TRIM14: variants seen among roughly 807,000 people sequenced by gnomAD.
The protein encoded by TRIM14 is tripartite motif-containing protein 14.
In TRIM14, 28 loss-of-function variants were observed where a neutral mutation model predicts 44.5. The observed-to-expected ratio is 0.63, with a 90% CI of 0.47 to 0.86. TRIM14 has a LOEUF of 0.86. Ranked by LOEUF, TRIM14 falls within the 40% of genes least tolerant of loss-of-function variation. The probability of loss-of-function intolerance (pLI) is 0.00; values close to 1 mark genes in which losing one functional copy is unlikely to be tolerated. For synonymous variants in TRIM14, 299 were observed against 269.2 expected (o/e 1.11, Z -1.08); for missense variants, 607 against 611.1 (o/e 0.99, Z 0.07).
At chr9:98,114,864 T>C (rs1826990425) in intron 1 of TRIM14, among the ~76,000 whole-genome samples, 2 of 152,190 alleles carry the variant, frequency 1.3e-5, no homozygotes, top group Non-Finnish European at 2.9e-5. Context: ...ATTATTTACA[T>C]GGGACTAAAC....
At chr9:98,072,912 G>A (rs1002677602) in intron 6 of TRIM14, among the ~76,000 whole-genome samples, 1 of 152,176 alleles carries the variant, frequency 6.6e-6, no homozygotes, top group Non-Finnish European at 1.5e-5. Flanking sequence ...CGTTCTCTGT[G>A]TGCTGAGGAA....
intron 6 of TRIM14, among the ~76,000 whole-genome samples, chr9:98,079,064 T>G (rs1405059532): frequency 2.0e-5 from 3 of 152,154 alleles, no homozygotes; most frequent in Non-Finnish European, 2.9e-5. Flanking sequence ...CTAGTTATAG[T>G]GACAGCCTTG....
intron 2 of TRIM14, among the ~76,000 whole-genome samples, chr9:98,103,131 G>A (rs1420385726): frequency 2.0e-5 from 3 of 152,080 alleles, no homozygotes; most frequent in Non-Finnish European, 2.9e-5. Flanking sequence ...GTTGCAGTGA[G>A]CCGAGATCAT....
chr9:98,054,410 T>C, the TRIM14 span, among the ~76,000 whole-genome samples: 1 of 152,164 alleles, frequency 6.6e-6, no homozygotes, highest in African/African-American at 2.4e-5. Context: ...CTCTTCCTAC[T>C]AATTAGGGAG....
the TRIM14 span, among the ~76,000 whole-genome samples, chr9:98,047,739 G>A: frequency 2.6e-5 from 4 of 151,978 alleles, no homozygotes; most frequent in Non-Finnish European, 4.4e-5. Flanking sequence ...TTGCATGTTC[G>A]GATCAGAGAA....
chr9:98,087,850 A>G lies in TRIM14; in HGVS notation c.949T>C (p.Phe317Leu). 6.4e-7 allele frequency: 1 copy of G among 1,552,552 alleles called. No homozygotes were observed. Among genetic ancestry groups the G allele is most frequent in the South Asian group, 1.2e-5 (1 of 85,314 alleles). Residue 317 changes from phenylalanine to leucine, a missense_variant, in exon 6 of 6, where the codon TTC becomes CTC. Transcript: ENST00000341469. ...ALWQVLARDC[F>L]ATGRHYWEVD... The stretch of plus-strand genomic sequence containing the variant: ...TCCCAGTAGTGGCGGCCGGTGGCGA[A>G]GCAGTCACGAGCCAGCACTTGCCAG...
the TRIM14 span, among the ~76,000 whole-genome samples, chr9:98,056,368 C>T: frequency 6.6e-6 from 1 of 152,236 alleles, no homozygotes. Context: ...GATTCTAACT[C>T]TAGCAACCCT....
rs1330632971 is a variant in TRIM14, at chr9:98,085,515, GGAA to G, written c.*1952_*1954del. On this transcript the variant is annotated 3_prime_UTR_variant, in exon 6 of 6. Transcript: ENST00000341469. ...CTTGGCCCCTGCAGCTGTGGGTCTG[GGAA>G]GAGGTCTTGGTCATCAGGGATGGGC... 1 of 152,256 alleles carries G rather than the reference GGAA, an allele frequency of 6.6e-6. No homozygotes were observed. Among genetic ancestry groups the G allele is most frequent in the Non-Finnish European group, 1.5e-5 (1 of 68,092 alleles). The allele number at this position is 152,256 out of a possible 1,614,324, so 9.4% of individuals were successfully genotyped here.
intron 1 of TRIM14, among the ~76,000 whole-genome samples, chr9:98,112,437 C>T (rs577006414): frequency 6.6e-6 from 1 of 152,260 alleles, no homozygotes; most frequent in African/African-American, 2.4e-5. Flanking sequence ...AAGATTTAAG[C>T]AAATTCTAGA....
intron 1 of TRIM14, among the ~76,000 whole-genome samples, chr9:98,112,089 A>T (rs1000036424): frequency 6.6e-6 from 1 of 152,220 alleles, no homozygotes; most frequent in Non-Finnish European, 1.5e-5. Context: ...TTGAGGAGCC[A>T]TCTTTCTAGA....
At chr9:98,096,549 A>G (rs1826193248) in intron 3 of TRIM14, among the ~76,000 whole-genome samples, 1 of 152,192 alleles carries the variant, frequency 6.6e-6, no homozygotes. Flanking sequence ...GAATAAATCA[A>G]TGCATGAAAC....
At chr9:98,041,704 A>C in the TRIM14 span, among the ~76,000 whole-genome samples, 1 of 144,386 alleles carries the variant, frequency 6.9e-6, no homozygotes. Flanking sequence ...TTTTTTTGAG[A>C]TGGAGTCTTG....
Position 98,095,050 on chromosome 9 carries a change from G to T in TRIM14, c.538-21C>A, listed in dbSNP as rs745742495. 4.9e-5 allele frequency: 79 copies of T among 1,606,028 alleles called. No individual in the cohort carries two copies. Among genetic ancestry groups the T allele is most frequent in the Non-Finnish European group, 5.8e-5 (68 of 1,177,056 alleles). On this transcript the variant is annotated intron_variant, in intron 3 of 5. Coordinates refer to ENST00000341469, the MANE Select transcript of TRIM14 (RefSeq NM_014788.4). This position sits in a 1 kb window ranked among gnomAD's most constrained non-coding sequence, Gnocchi z 4.1. ...TATGCCTGTGTGGGCACACGGGGGTGAGGGTGGCTCTGGGAGATGCAGGCA... is the reference window on the plus strand; with the variant it reads ...TATGCCTGTGTGGGCACACGGGGGTTAGGGTGGCTCTGGGAGATGCAGGCA...
intron 3 of TRIM14, among the ~76,000 whole-genome samples, chr9:98,097,113 G>A (rs890805151): frequency 5.3e-5 from 8 of 152,180 alleles, no homozygotes; most frequent in African/African-American, 1.9e-4. Context: ...AGAATCCCTT[G>A]AACCTGGGAG....
At chr9:98,050,351 A>G in the TRIM14 span, among the ~76,000 whole-genome samples, 2 of 152,186 alleles carry the variant, frequency 1.3e-5, 1 homozygote, top group African/African-American at 4.8e-5. Flanking sequence ...TCCCAGCATA[A>G]ATATACTTAT....
At chr9:98,048,146 T>C in the TRIM14 span, among the ~76,000 whole-genome samples, 12 of 152,008 alleles carry the variant, frequency 7.9e-5, no homozygotes, top group Non-Finnish European at 1.8e-4. Flanking sequence ...GATGGGCTAG[T>C]CACAGAATGG....
At chr9:98,068,222 A>C (rs935326697), downstream of TRIM14, among the ~76,000 whole-genome samples, 1 of 151,384 alleles carries the variant, frequency 6.6e-6, no homozygotes, top group Non-Finnish European at 1.5e-5. Flanking sequence ...ACAACCTCCA[A>C]CTCCCGGGTT....
At chr9:98,055,715 T>G in the TRIM14 span, among the ~76,000 whole-genome samples, 1 of 152,064 alleles carries the variant, frequency 6.6e-6, no homozygotes, top group Admixed American at 6.6e-5. Context: ...GGGAAATAAC[T>G]TATCTTATTT....
At chr9:98,116,568 G>A (rs552347753) in intron 1 of TRIM14, among the ~76,000 whole-genome samples, 37 of 152,098 alleles carry the variant, frequency 2.4e-4, no homozygotes, top group African/African-American at 8.9e-4. Flanking sequence ...CAGGCGTGGT[G>A]TTTCACGCCT....
Sources: gnomAD v4.1 joint callset for allele counts (sites outside exome capture counted in the v4.1 genomes callset) on GRCh38, gnomAD v4.1.1 for gene constraint, Gnocchi (gnomAD v3.1) non-coding constraint, MANE v1.5 for transcripts, NCBI Gene and HGNC (gene_info 2026-07-23, HGNC 2026-07-21) for gene names.